Variants in LOXHD1 observed in about 807,000 individuals in gnomAD.
LOXHD1 encodes lipoxygenase homology PLAT domains 1.
In LOXHD1, 205 loss-of-function variants were observed where a neutral mutation model predicts 248.2. The observed-to-expected ratio is 0.83, with a 90% CI of 0.74 to 0.93. LOXHD1 has a LOEUF of 0.93. Among genes scored for constraint, LOXHD1 ranks in the 40% least tolerant of loss-of-function variants. The pLI, the probability that LOXHD1 is intolerant of heterozygous loss-of-function variation, is 0.00. For synonymous variants in LOXHD1, 1,113 were observed against 1,162.8 expected (o/e 0.96, Z 0.87); for missense variants, 2,930 against 2,971.6 (o/e 0.99, Z 0.33).
intron 26 of LOXHD1, among the ~76,000 whole-genome samples, chr18:46,536,426 G>C (rs530582456): frequency 5.9e-5 from 9 of 152,128 alleles, no homozygotes; most frequent in Non-Finnish European, 1.2e-4. Flanking sequence ...CAGGTGGGCA[G>C]AGAGACAGAG....
chr18:46,609,182 T>C (rs1351775230), intron 6 of LOXHD1, among the ~76,000 whole-genome samples: 1 of 152,234 alleles, frequency 6.6e-6, no homozygotes, highest in African/African-American at 2.4e-5. Context: ...GTAGCTATCA[T>C]GTGCTCATGA....
intron 15 of LOXHD1, among the ~76,000 whole-genome samples, chr18:46,570,157 G>A (rs536705828): frequency 5.1e-4 from 77 of 152,278 alleles, no homozygotes; most frequent in African/African-American, 1.6e-3. Flanking sequence ...TTAAGAGGTC[G>A]CCAGGAGTGA....
chr18:46,493,516 T>C (rs2033634324), intron 37 of LOXHD1, among the ~76,000 whole-genome samples: 1 of 152,200 alleles, frequency 6.6e-6, no homozygotes. Context: ...ATTAAATAAG[T>C]GTTTATTGAA....
At chr18:46,635,527 C>T (rs964620454) in intron 4 of LOXHD1, among the ~76,000 whole-genome samples, 2 of 152,148 alleles carry the variant, frequency 1.3e-5, no homozygotes, top group Non-Finnish European at 2.9e-5. Context: ...GGCCTCTGTG[C>T]ACCCATCTCT....
At chr18:46,576,092 A>G (rs923806280) in intron 14 of LOXHD1, among the ~76,000 whole-genome samples, 1 of 151,406 alleles carries the variant, frequency 6.6e-6, no homozygotes, top group Non-Finnish European at 1.5e-5. Context: ...CCTCCACGCC[A>G]CTCTTCACAG....
intron 38 of LOXHD1, among the ~76,000 whole-genome samples, chr18:46,486,899 T>C (rs1042223380): frequency 6.6e-6 from 1 of 152,166 alleles, no homozygotes; most frequent in African/African-American, 2.4e-5. Context: ...ATCTGTGGTC[T>C]TTTGAGAGGA....
rs7244681 is a variant in LOXHD1, at chr18:46,534,399, G to C, written c.4148C>G (p.Thr1383Arg). 298 of 1,551,658 alleles carry C rather than the reference G, an allele frequency of 1.9e-4. No individual in the cohort carries two copies. Among genetic ancestry groups the C allele is most frequent in the Non-Finnish European group, 2.4e-4 (275 of 1,146,980 alleles). The stretch of plus-strand genomic sequence containing the variant: ...GCAGTGCCACCCAGGATTCATGCCC[G>C]TGTTATTATGGCCAATCCGAATTTT... ...IEKIRIGHNN[T>R]GMNPGWHCSH... Residue 1383 changes from threonine (T) to arginine (R), a missense_variant, in exon 27 of 41, where the codon ACG (threonine) becomes AGG (arginine). Physicochemically the swap from Thr to Arg is moderately conservative, Grantham distance 71. Coordinates refer to ENST00000642948, the MANE Select transcript of LOXHD1 (RefSeq NM_001384474.1).
At chr18:46,570,249 C>G (rs998123811) in intron 15 of LOXHD1, among the ~76,000 whole-genome samples, 9 of 152,196 alleles carry the variant, frequency 5.9e-5, no homozygotes, top group Admixed American at 2.0e-4. Context: ...CCAGGAATGT[C>G]TGCATTATCG....
intron 12 of LOXHD1, among the ~76,000 whole-genome samples, chr18:46,586,091 T>C (rs2038054351): frequency 1.3e-5 from 2 of 152,222 alleles, no homozygotes; most frequent in Non-Finnish European, 2.9e-5. Flanking sequence ...GTACTGATAA[T>C]GCTACAATAT....
intron 37 of LOXHD1, 99 bp downstream of exon 37, chr18:46,505,739 G>T: frequency 7.8e-7 from 1 of 1,287,354 alleles, no homozygotes; most frequent in Non-Finnish European, 1.1e-6. Flanking sequence ...CTGCCACCCT[G>T]GGGTAATCAG....
At chr18:46,545,245 A>G (rs1385915191) in intron 23 of LOXHD1, 72 bp downstream of exon 23, 1 of 1,136,848 alleles carries the variant, frequency 8.8e-7, no homozygotes, top group African/African-American at 1.5e-5. Flanking sequence ...TCCCCTTGGA[A>G]ATTTCTGCTG....
chr18:46,544,256 T>G (rs1399091788), intron 23 of LOXHD1, among the ~76,000 whole-genome samples: 2 of 152,256 alleles, frequency 1.3e-5, no homozygotes, highest in African/African-American at 4.8e-5. Flanking sequence ...GTAATGTTTC[T>G]GAGACTTGGT....
At chr18:46,618,162 C>A in intron 5 of LOXHD1, 30 bp downstream of exon 5, 1 of 1,508,926 alleles carries the variant, frequency 6.6e-7, no homozygotes, top group Middle Eastern at 1.7e-4. Context: ...CTGGGCTTGG[C>A]TTATGAAAAA....
At chr18:46,528,434 A>G (rs936144497) in intron 29 of LOXHD1, among the ~76,000 whole-genome samples, 8 of 151,654 alleles carry the variant, frequency 5.3e-5, no homozygotes, top group African/African-American at 1.9e-4. Context: ...ACCCTTAGAG[A>G]CTCCTGTGTT....
chr18:46,483,165 G>A (rs1195215603), intron 40 of LOXHD1, among the ~76,000 whole-genome samples: 1 of 152,160 alleles, frequency 6.6e-6, no homozygotes, highest in Non-Finnish European at 1.5e-5. Context: ...CTTGTCTCTG[G>A]TCCCTACTCT....
At position 46,608,749 on chromosome 18, in the gene LOXHD1, G is replaced by T. The variant is rs1477040431; in HGVS notation, c.759+2027C>A. ...CCAGGCTTGCTGCTCTTAGGACCAG[G>T]CAAGCCCTTCCTTTCCAAAGGAATT... On this transcript the variant is annotated intron_variant, in intron 6 of 40. Coordinates refer to ENST00000642948, the MANE Select transcript of LOXHD1 (RefSeq NM_001384474.1). 3.3e-5 allele frequency among the ~76,000 whole-genome samples: 5 copies of T among 152,340 alleles called. No homozygotes were observed. In the East Asian group the frequency reaches 7.7e-4, roughly 24 times the overall value.
At chr18:46,521,353 C>A (rs1020468792) in intron 32 of LOXHD1, 71 bp from the exon 33 acceptor site, 4 of 1,505,576 alleles carry the variant, frequency 2.7e-6, no homozygotes, top group Non-Finnish European at 2.7e-6. Flanking sequence ...TGCCCAGCCC[C>A]CTCCCTCAGT....
intron 7 of LOXHD1, among the ~76,000 whole-genome samples, chr18:46,602,545 C>T (rs1374015960): frequency 1.3e-5 from 2 of 152,028 alleles, no homozygotes; most frequent in African/African-American, 2.4e-5. Context: ...AGGCGGTTGT[C>T]ACTTTAAGCC....
intron 14 of LOXHD1, among the ~76,000 whole-genome samples, chr18:46,576,507 T>C (rs554504970): frequency 6.6e-6 from 1 of 152,190 alleles, no homozygotes; most frequent in East Asian, 1.9e-4. Context: ...CACCCTCCCT[T>C]TTCCTCTCCC....
Sources: allele counts gnomAD v4.1 joint callset (sites outside exome capture counted in the v4.1 genomes callset), GRCh38; gene constraint gnomAD v4.1.1; transcripts MANE v1.5; gene names NCBI Gene and HGNC (gene_info 2026-07-23, HGNC 2026-07-21).